The following ONECUT2 variants were observed in gnomAD, a reference collection of about 807,000 sequenced individuals.
The protein encoded by ONECUT2 is one cut homeobox 2.
A neutral mutation model predicts 27.9 loss-of-function variants in ONECUT2; 10 were observed. That is an observed-to-expected ratio of 0.36 (90% CI 0.22 to 0.61). The LOEUF is 0.61. Ranked by LOEUF, ONECUT2 falls within the 20% of genes least tolerant of loss-of-function variation. ONECUT2 has a pLI of 0.73. For synonymous variants in ONECUT2, 334 were observed against 315.1 expected (o/e 1.06, Z -0.64); for missense variants, 686 against 721.0 (o/e 0.95, Z 0.56).
chr18:57,456,921 C>T (rs1206918632), intron 1 of ONECUT2, among the ~76,000 whole-genome samples: 1 of 152,096 alleles, frequency 6.6e-6, no homozygotes, highest in Admixed American at 6.5e-5. Context: ...CTGTAGTGCC[C>T]CAGGCCCATC....
intron 1 of ONECUT2, among the ~76,000 whole-genome samples, chr18:57,439,632 A>G (rs900568480): frequency 6.6e-6 from 1 of 152,190 alleles, no homozygotes; most frequent in Admixed American, 6.5e-5. Context: ...AATGGAGAAG[A>G]AAAGCGGAGG....
At chr18:57,444,565 G>A (rs2050191853) in intron 1 of ONECUT2, 10 of 399,526 alleles carry the variant, frequency 2.5e-5, no homozygotes, top group South Asian at 1.8e-4. Context: ...CCACCCCCCA[G>A]GGTGAGGTTC....
chr18:57,462,460 A>G (rs1478243215), intron 1 of ONECUT2, among the ~76,000 whole-genome samples: 1 of 152,078 alleles, frequency 6.6e-6, no homozygotes. Context: ...ATCATAGCTC[A>G]CTGCAGCTTT....
intron 1 of ONECUT2, among the ~76,000 whole-genome samples, chr18:57,461,804 G>A (rs1347316436): frequency 6.6e-6 from 1 of 152,260 alleles, no homozygotes; most frequent in Non-Finnish European, 1.5e-5. Context: ...GGGCAGGGCA[G>A]GCTCTGGCAG....
Position 57,477,199 on chromosome 18 carries a change from A to G in ONECUT2, c.*476A>G, listed in dbSNP as rs1041079372. The G allele has an allele frequency of 1.2e-5, 2 of 165,470 alleles. No individual in the cohort carries two copies. Among genetic ancestry groups the G allele is most frequent in the African/African-American group, 4.8e-5 (2 of 41,554 alleles). 10.3% of individuals were successfully genotyped at this position (165,470 alleles called of 1,614,324 possible). A position where few individuals can be genotyped will look rare whatever the true frequency, so the allele number is the denominator to read the frequency against. ...ACAACAATAAGAGAAGAATCTAGCAACGAGAATGACCTCATTTGCTTTCCA... is the reference window on the plus strand; with the variant it reads ...ACAACAATAAGAGAAGAATCTAGCAGCGAGAATGACCTCATTTGCTTTCCA... On this transcript the variant is annotated 3_prime_UTR_variant, in exon 2 of 2. Transcript: ENST00000491143.
At chr18:57,472,193 T>C (rs2050357820) in intron 1 of ONECUT2, among the ~76,000 whole-genome samples, 2 of 152,196 alleles carry the variant, frequency 1.3e-5, no homozygotes, top group Admixed American at 1.3e-4. Flanking sequence ...AGGGAGCTAT[T>C]GACACTTTCC....
At position 57,451,376 on chromosome 18, in the gene ONECUT2, C is replaced by T. The variant is rs572407812; in HGVS notation, c.1228+14432C>T. Reference sequence around the variant, plus strand: ...TAACCAAACCAAGTTTCCTCTGACACTGAGGCAGAGACAGGCAGGGTTGCG... The same window carrying T: ...TAACCAAACCAAGTTTCCTCTGACATTGAGGCAGAGACAGGCAGGGTTGCG... On this transcript the variant is annotated intron_variant, in intron 1 of 1. Coordinates refer to ENST00000491143, the MANE Select transcript of ONECUT2 (RefSeq NM_004852.3). 3.3e-5 allele frequency among the ~76,000 whole-genome samples: 5 copies of T among 152,328 alleles called. No homozygotes were observed. In the South Asian group the frequency reaches 6.2e-4, roughly 19 times the overall value.
At chr18:57,451,909 A>T (rs1407752939) in intron 1 of ONECUT2, among the ~76,000 whole-genome samples, 1 of 152,202 alleles carries the variant, frequency 6.6e-6, no homozygotes, top group Non-Finnish European at 1.5e-5. Context: ...CATGGCAGGA[A>T]GCATGGGCAC....
chr18:57,439,230 C>T (rs948933378), intron 1 of ONECUT2, among the ~76,000 whole-genome samples: 3 of 152,166 alleles, frequency 2.0e-5, no homozygotes, highest in African/African-American at 7.2e-5. Flanking sequence ...CCCGGGGGTC[C>T]TCAGCCCCAC....
intron 1 of ONECUT2, among the ~76,000 whole-genome samples, chr18:57,442,388 G>T (rs1185713008): frequency 3.9e-5 from 6 of 152,080 alleles, no homozygotes; most frequent in African/African-American, 1.4e-4. Flanking sequence ...GGAAAAGAGA[G>T]ATGGGAAAGC....
rs926315536 is a variant in ONECUT2, at chr18:57,437,060, A to G, written c.1228+116A>G. On this transcript the variant is annotated intron_variant, in intron 1 of 1. Coordinates refer to ENST00000491143, the MANE Select transcript of ONECUT2 (RefSeq NM_004852.3). The stretch of plus-strand genomic sequence containing the variant: ...TCTTGATTCTTTCCTTCTCTTTCCT[A>G]TACACGTCCTCTTTCTTCTCGTTTT... 4 of 1,434,704 alleles carry G rather than the reference A, an allele frequency of 2.8e-6. No homozygotes were observed. In the East Asian group the frequency reaches 1.0e-4, roughly 36 times the overall value. 88.9% of individuals were successfully genotyped at this position (1,434,704 alleles called of 1,614,324 possible).
In ONECUT2 at chr18:57,435,863, G is replaced by GGGCGGCGGC. The variant is rs1280487785; in HGVS notation, c.150_158dup (p.Gly52_Gly54dup). The stretch of plus-strand genomic sequence containing the variant: ...GCGGGGGCGGCGGCGGGGGCGGCGG[G>GGGCGGCGGC]GGCGGCGGCGGGGGCCCGGGCCATG... On this transcript the variant is annotated inframe_insertion, in exon 1 of 2. Coordinates refer to ENST00000491143, the MANE Select transcript of ONECUT2 (RefSeq NM_004852.3). 8 of 1,009,140 alleles carry GGGCGGCGGC rather than the reference G, an allele frequency of 7.9e-6. No homozygotes were observed. Among genetic ancestry groups the GGGCGGCGGC allele is most frequent in the African/African-American group, 1.8e-5 (1 of 56,644 alleles). 62.5% of individuals were successfully genotyped at this position (1,009,140 alleles called of 1,614,324 possible).
At position 57,469,579 on chromosome 18, in the gene ONECUT2, G is replaced by A. The variant is rs575166210; in HGVS notation, c.1229-6858G>A. Reference sequence around the variant, plus strand: ...TCTGACACGTATGTAAAAACACGTCGTAGTCTTACCTCTTATATGAGGCTG... The same window carrying A: ...TCTGACACGTATGTAAAAACACGTCATAGTCTTACCTCTTATATGAGGCTG... On this transcript the variant is annotated intron_variant, in intron 1 of 1. Coordinates refer to ENST00000491143, the MANE Select transcript of ONECUT2 (RefSeq NM_004852.3). Among the ~76,000 whole-genome samples, 27 of 152,304 alleles carry A rather than the reference G, an allele frequency of 1.8e-4. No individual in the cohort carries two copies. In the South Asian group the frequency reaches 1.9e-3, roughly 11 times the overall value.
rs1249853649 is a variant in ONECUT2, at chr18:57,490,472, AAGG to A, written c.*13756_*13758del. The A allele has an allele frequency of 1.6e-4, 24 of 152,340 alleles. No individual in the cohort carries two copies. The highest frequency in any genetic ancestry group is 5.1e-4 in the African/African-American group (21 of 41,568). 9.4% of individuals were successfully genotyped at this position (152,340 alleles called of 1,614,324 possible). ...GAAAGGTGACTATAATGAGGGAAGAAAGGAGGAGGTAAAGAGAGAAGAATTTGT... is the reference window on the plus strand; with the variant it reads ...GAAAGGTGACTATAATGAGGGAAGAAAGGAGGTAAAGAGAGAAGAATTTGT... On this transcript the variant is annotated 3_prime_UTR_variant, in exon 2 of 2. Coordinates refer to ENST00000491143, the MANE Select transcript of ONECUT2 (RefSeq NM_004852.3).
At position 57,480,986 on chromosome 18, in the gene ONECUT2, T is replaced by C. The variant is rs1460556360; in HGVS notation, c.*4263T>C. On this transcript the variant is annotated 3_prime_UTR_variant, in exon 2 of 2. Coordinates refer to ENST00000491143, the MANE Select transcript of ONECUT2 (RefSeq NM_004852.3). ...AACAGTTCTCAGCCAAATTTCACAT[T>C]CTTGAGGCAACAGAAATCAAAACAC... 6.6e-6 allele frequency: 1 copy of C among 152,170 alleles called. No individual in the cohort carries two copies. Among genetic ancestry groups the C allele is most frequent in the South Asian group, 2.1e-4 (1 of 4,830 alleles). 9.4% of individuals were successfully genotyped at this position (152,170 alleles called of 1,614,324 possible).
chr18:57,443,861 G>A (rs753710162), intron 1 of ONECUT2, among the ~76,000 whole-genome samples: 33 of 152,262 alleles, frequency 2.2e-4, no homozygotes, highest in Non-Finnish European at 4.1e-4. Flanking sequence ...TTCCACCTCG[G>A]CACCTCTTTC....
At chr18:57,439,532 G>T (rs915675544) in intron 1 of ONECUT2, among the ~76,000 whole-genome samples, 1 of 152,206 alleles carries the variant, frequency 6.6e-6, no homozygotes. Context: ...TTCAGTTTGG[G>T]GTCAGTAGAT....
chr18:57,481,233 A>T lies in ONECUT2; in HGVS notation c.*4510A>T, dbSNP rs997638046. The T allele has an allele frequency of 4.6e-5, 7 of 152,264 alleles. No homozygotes were observed. Among genetic ancestry groups the T allele is most frequent in the African/African-American group, 1.7e-4 (7 of 41,472 alleles). 9.4% of individuals were successfully genotyped at this position (152,264 alleles called of 1,614,324 possible). On this transcript the variant is annotated 3_prime_UTR_variant, in exon 2 of 2. Coordinates refer to ENST00000491143, the MANE Select transcript of ONECUT2 (RefSeq NM_004852.3). ...TTTAAAAGCTTTTCCAAAATGTAAA[A>T]GAAGTGTTTAGCTTGCACCATGCAT...
chr18:57,464,153 C>A (rs971872906), intron 1 of ONECUT2, among the ~76,000 whole-genome samples: 1 of 152,026 alleles, frequency 6.6e-6, no homozygotes, highest in South Asian at 2.1e-4. Context: ...ATCCTCTGTA[C>A]CTTGGTATCA....
Sources: gnomAD v4.1 joint callset for allele counts (sites outside exome capture counted in the v4.1 genomes callset) on GRCh38, gnomAD v4.1.1 for gene constraint, MANE v1.5 for transcripts, NCBI Gene and HGNC (gene_info 2026-07-23, HGNC 2026-07-21) for gene names.